Variants in NFAM1 observed in about 807,000 individuals in gnomAD.
The protein encoded by NFAM1 is NFAT activation molecule 1.
In NFAM1, 17 loss-of-function variants were observed where a neutral mutation model predicts 29.0. The ratio of observed to expected loss-of-function variants is 0.59; its 90% CI spans 0.40 to 0.88. The LOEUF is 0.88. NFAM1 is among the 40% of genes least tolerant of loss of function. The probability of loss-of-function intolerance (pLI) is 0.00; values close to 1 mark genes in which losing one functional copy is unlikely to be tolerated. For missense variants in NFAM1, 324 were observed against 344.6 expected (o/e 0.94, Z 0.47); for synonymous variants, 175 against 147.2 (o/e 1.19, Z -1.36).
intron 1 of NFAM1, among the ~76,000 whole-genome samples, chr22:42,421,874 C>A (rs1258447171): frequency 1.8e-5 from 1 of 56,682 alleles, no homozygotes; most frequent in Non-Finnish European, 3.0e-5. Context: ...AGGCTGCGAT[C>A]GGGGCTCTCA....
At chr22:42,432,532 T>C (rs1323503812), upstream of NFAM1, 5 of 810,046 alleles carry the variant, frequency 6.2e-6, no homozygotes, top group African/African-American at 5.2e-5. Context: ...AACCTGGCAC[T>C]GAGACTGGTC....
intron 2 of NFAM1, chr22:42,410,433 G>A (rs1449313434): frequency 2.6e-6 from 1 of 380,926 alleles, no homozygotes; most frequent in Admixed American, 3.0e-5. Flanking sequence ...GCTGAGGTGG[G>A]CGGATCACTT....
rs1187801947 is a variant in NFAM1, at chr22:42,387,025, G to A, written c.717C>T (p.Gly239=). Reference sequence around the variant, plus strand: ...GGCTCTGCTTGGCGGTGGGTGAGCTGCCATCCTCATTCTCGATGCAGGCAT... The same window carrying A: ...GGCTCTGCTTGGCGGTGGGTGAGCTACCATCCTCATTCTCGATGCAGGCAT... ...EVYACIENED[G]SSPTAKQSPL... The change falls in exon 5 of 6, where the codon GGC becomes GGT. Residue 239 remains glycine, a synonymous_variant. Transcript: ENST00000329021. The A allele has an allele frequency of 3.2e-6, 5 of 1,584,166 alleles. No homozygotes were observed. The highest frequency in any genetic ancestry group is 4.3e-6 in the Non-Finnish European group (5 of 1,165,764).
intron 1 of NFAM1, among the ~76,000 whole-genome samples, chr22:42,429,660 CT>C (rs1264576104): frequency 6.6e-6 from 1 of 152,148 alleles, no homozygotes; most frequent in Admixed American, 6.6e-5. Flanking sequence ...ATGAATGCCC[CT>C]GGCCTGTACT....
intron 4 of NFAM1, 137 bp from the exon 5 acceptor site, chr22:42,387,215 C>T (rs1474225081): frequency 1.4e-5 from 7 of 512,722 alleles, no homozygotes; most frequent in Non-Finnish European, 2.4e-5. Context: ...CACCTTTGCA[C>T]CTGCCACCCC....
chr22:42,405,131 C>T (rs1162144819), intron 3 of NFAM1, among the ~76,000 whole-genome samples: 1 of 152,134 alleles, frequency 6.6e-6, no homozygotes, highest in Admixed American at 6.5e-5. Flanking sequence ...GACCAGAACT[C>T]AAGCCCAGGG....
At chr22:42,408,040 C>G (rs1186799807) in intron 3 of NFAM1, among the ~76,000 whole-genome samples, 1 of 151,756 alleles carries the variant, frequency 6.6e-6, no homozygotes, top group Non-Finnish European at 1.5e-5. Flanking sequence ...ATTACAGGCA[C>G]CTGCCAATGC....
intron 1 of NFAM1, among the ~76,000 whole-genome samples, chr22:42,418,616 C>T (rs1930336163): frequency 6.6e-6 from 1 of 151,978 alleles, no homozygotes; most frequent in Non-Finnish European, 1.5e-5. Flanking sequence ...TCGCTTGAAC[C>T]CAGGAGGCGG....
intron 3 of NFAM1, among the ~76,000 whole-genome samples, chr22:42,405,191 G>T (rs1929854363): frequency 1.3e-5 from 2 of 152,162 alleles, no homozygotes; most frequent in Non-Finnish European, 2.9e-5. Flanking sequence ...AGTTTCTACG[G>T]TCCGGTCCCA....
At chr22:42,436,329 CCAG>C (rs1569239713), upstream of NFAM1, among the ~76,000 whole-genome samples, 1 of 152,230 alleles carries the variant, frequency 6.6e-6, no homozygotes, top group East Asian at 1.9e-4. Flanking sequence ...GCTGAGCCGA[CCAG>C]CAGGAGGGAC....
chr22:42,397,701 G>A (rs1416758077), intron 4 of NFAM1, among the ~76,000 whole-genome samples, 157 bp downstream of exon 4: 1 of 152,212 alleles, frequency 6.6e-6, no homozygotes, highest in East Asian at 1.9e-4. Flanking sequence ...GAAATTCCAT[G>A]AGGTAAGAAT....
Position 42,409,402 on chromosome 22 carries a change from G to A in NFAM1, c.564+33C>T. 1.7e-6 allele frequency: 2 copies of A among 1,202,178 alleles called. No homozygotes were observed. The highest frequency in any genetic ancestry group is 1.6e-5 in the African/African-American group (1 of 63,660). The allele number at this position is 1,202,178 out of a possible 1,614,324, so 74.5% of individuals were successfully genotyped here. On this transcript the variant is annotated intron_variant, in intron 3 of 5. Coordinates refer to ENST00000329021, the MANE Select transcript of NFAM1 (RefSeq NM_145912.8). The surrounding 1 kb of genome is among the most constrained non-coding windows in gnomAD (Gnocchi z 4.9). ...GGCAGCCGGTGGCGTGTCGGGTGGA[G>A]GGGCTGCATGGCTGTGAGCACTGAT...
At chr22:42,386,910 A>T in intron 5 of NFAM1, 79 bp downstream of exon 5, 1 of 774,484 alleles carries the variant, frequency 1.3e-6, no homozygotes. Context: ...TCCATGTCCC[A>T]TTTGCCCCCC....
At chr22:42,392,011 T>G (rs1388398299) in intron 4 of NFAM1, among the ~76,000 whole-genome samples, 2 of 143,442 alleles carry the variant, frequency 1.4e-5, no homozygotes, top group Non-Finnish European at 3.0e-5. Flanking sequence ...GACATTCAAG[T>G]GGGGTTGACT....
At chr22:42,400,126 G>GT (rs1463573163) in intron 3 of NFAM1, among the ~76,000 whole-genome samples, 1 of 152,242 alleles carries the variant, frequency 6.6e-6, no homozygotes, top group African/African-American at 2.4e-5. Flanking sequence ...ATCCAGGTCT[G>GT]TGTTTCACCA....
intron 1 of NFAM1, among the ~76,000 whole-genome samples, chr22:42,420,559 A>G (rs560522513): frequency 6.6e-6 from 1 of 152,210 alleles, no homozygotes; most frequent in Non-Finnish European, 1.5e-5. Flanking sequence ...AGAGGTCAGG[A>G]GTTCAAGACC....
At chr22:42,429,972 C>T (rs1369956565) in intron 1 of NFAM1, among the ~76,000 whole-genome samples, 2 of 152,136 alleles carry the variant, frequency 1.3e-5, no homozygotes, top group East Asian at 3.9e-4. Flanking sequence ...GGACAAAGAG[C>T]GGGTTGGGGG....
rs1929226136 is a variant in NFAM1 at position 42,388,505 on chromosome 22, G to A, written c.664-1427C>T. 6.6e-6 allele frequency among the ~76,000 whole-genome samples: 1 copy of A among 152,202 alleles called. No individual in the cohort carries two copies. Among genetic ancestry groups the A allele is most frequent in the African/African-American group, 2.4e-5 (1 of 41,452 alleles). The stretch of plus-strand genomic sequence containing the variant: ...ACCAACAGCCTAAGCAAGAGCAGAA[G>A]CCTTTCCTTCCTGAGTGTACGTGTC... On this transcript the variant is annotated intron_variant, in intron 4 of 5. Coordinates refer to ENST00000329021, the MANE Select transcript of NFAM1 (RefSeq NM_145912.8). This position sits in a 1 kb window ranked among gnomAD's most constrained non-coding sequence, Gnocchi z 4.1.
At chr22:42,401,411 G>A (rs1569228892) in intron 3 of NFAM1, among the ~76,000 whole-genome samples, 1 of 152,162 alleles carries the variant, frequency 6.6e-6, no homozygotes, top group African/African-American at 2.4e-5. Flanking sequence ...AGTGGCTGCA[G>A]TTGCATTGTA....
Sources: gnomAD v4.1 joint callset for allele counts (sites outside exome capture counted in the v4.1 genomes callset) on GRCh38, gnomAD v4.1.1 for gene constraint, Gnocchi (gnomAD v3.1) non-coding constraint, MANE v1.5 for transcripts, NCBI Gene and HGNC (gene_info 2026-07-23, HGNC 2026-07-21) for gene names.